The following SPTBN5 variants were observed in gnomAD, a reference collection of about 807,000 sequenced individuals.
The protein encoded by SPTBN5 is spectrin beta, non-erythrocytic 5, also known as spectrin beta chain, non-erythrocytic 5.
Under a neutral mutation model 477.6 loss-of-function variants are expected in SPTBN5, and 513 were observed. That is an observed-to-expected ratio of 1.07 (90% confidence interval 1.00 to 1.16). SPTBN5 has a LOEUF of 1.16. Ranked by LOEUF, SPTBN5 falls within the 50% of genes most tolerant of loss-of-function variation. SPTBN5 has a pLI of 0.00. For synonymous variants in SPTBN5, 2,169 were observed against 2,011.7 expected (o/e 1.08, Z -2.09); for missense variants, 5,062 against 4,731.8 (o/e 1.07, Z -2.05).
chr15:41,877,533 G>C (rs546440037), intron 17 of SPTBN5, among the ~76,000 whole-genome samples, 177 bp from the exon 18 acceptor site: 1 of 152,320 alleles, frequency 6.6e-6, no homozygotes, highest in Non-Finnish European at 1.5e-5. Context: ...CCAGCCGGCC[G>C]TCCTTAAGTG....
chr15:41,886,129 C>T lies in SPTBN5; in HGVS notation c.1126G>A (p.Ala376Thr), dbSNP rs777104635. 6.8e-6 allele frequency: 11 copies of T among 1,610,864 alleles called. No individual in the cohort carries two copies. Among genetic ancestry groups the T allele is most frequent in the Non-Finnish European group, 8.5e-6 (10 of 1,178,614 alleles). Residue 376 changes from alanine to threonine, a missense_variant, in exon 7 of 68, where the codon GCA becomes ACA. Ala to Thr is a moderately conservative substitution (Grantham distance 58). Transcript: ENST00000320955. The part of the protein sequence containing the change: ...AEALLFRLQT[A>T]LQAQNRRPFL... ...GGCCTGCGGTTCTGGGCTTGGAGTG[C>T]TGTCTGTAGCCGGAAGAGCAGGGCC...
At position 41,893,369 on chromosome 15, in the gene SPTBN5, GC is replaced by G. The variant is rs763713670; in HGVS notation, c.128del (p.Gly43AlafsTer155). ...GCCGGGCCTGTAGCTTGCGAATGTG[GC>G]CCGTCTCGTACTGAGAGTCCATGGT... ...SLTMDSQYET[G>X]HIRKLQARHM... is the part of the protein sequence containing the mutation. On this transcript the variant is annotated frameshift_variant, in exon 2 of 68. Coordinates refer to ENST00000320955, the MANE Select transcript of SPTBN5 (RefSeq NM_016642.4). LOFTEE classifies it high-confidence loss of function. 4 of 1,613,954 alleles carry G rather than the reference GC, an allele frequency of 2.5e-6. No homozygotes were observed. In the South Asian group the frequency reaches 3.3e-5, roughly 13 times the overall value.
chr15:41,860,984 A>G (rs1425947832), intron 46 of SPTBN5, among the ~76,000 whole-genome samples: 1 of 152,274 alleles, frequency 6.6e-6, no homozygotes, highest in Non-Finnish European at 1.5e-5. Context: ...CTCTGAGGCA[A>G]GCAGAGCTTT....
At chr15:41,853,134 T>C in intron 59 of SPTBN5, 124 bp downstream of exon 59, 1 of 1,458,206 alleles carries the variant, frequency 6.9e-7, no homozygotes, top group Non-Finnish European at 9.2e-7. Context: ...CTTCCCAGCC[T>C]CTCTCCCTGC....
chr15:41,851,034 C>T (rs1202431120), intron 65 of SPTBN5, 25 bp downstream of exon 65: 2 of 1,604,244 alleles, frequency 1.2e-6, no homozygotes, highest in Non-Finnish European at 1.7e-6. Flanking sequence ...GGGGGTGATG[C>T]CGGAGTCCAT....
chr15:41,887,567 G>T, intron 5 of SPTBN5, 126 bp from the exon 6 acceptor site: 1 of 767,114 alleles, frequency 1.3e-6, no homozygotes, highest in Non-Finnish European at 2.1e-6. Context: ...TTTCCCGACA[G>T]TTATCTGAGG....
chr15:41,863,665 T>C (rs1313767862), intron 41 of SPTBN5, 39 bp downstream of exon 41: 1 of 1,543,340 alleles, frequency 6.5e-7, no homozygotes, highest in Non-Finnish European at 8.9e-7. Flanking sequence ...TGACTGCATT[T>C]GCTCACAGCC....
chr15:41,886,507 C>T (rs2067156967), intron 6 of SPTBN5, 141 bp from the exon 7 acceptor site: 1 of 978,002 alleles, frequency 1.0e-6, no homozygotes, highest in Non-Finnish European at 1.5e-6. Context: ...GTACCCCCAC[C>T]CCAGAGAACT....
Position 41,856,799 on chromosome 15 carries a change from G to A in SPTBN5, c.8808+54C>T, listed in dbSNP as rs948132498. On this transcript the variant is annotated intron_variant, in intron 52 of 67. Transcript: ENST00000320955. ...GGGCCACAGAGAGTGCCATTTCCTT[G>A]GCTGAGAAGCCCTGCTCATGTGCGA... The A allele has an allele frequency of 2.8e-5, 41 of 1,489,864 alleles. No individual in the cohort carries two copies. The African/African-American group carries it at 5.0e-4, about 18-fold the overall frequency. The allele number at this position is 1,489,864 out of a possible 1,614,324, so 92.3% of individuals were successfully genotyped here.
intron 3 of SPTBN5, among the ~76,000 whole-genome samples, chr15:41,891,387 C>G (rs2067307770): frequency 6.6e-6 from 1 of 152,174 alleles, no homozygotes; most frequent in Non-Finnish European, 1.5e-5. Context: ...AGGATCCCAC[C>G]CATGCTCCTG....
chr15:41,875,394 C>G, intron 22 of SPTBN5, 64 bp downstream of exon 22: 2 of 1,536,714 alleles, frequency 1.3e-6, no homozygotes, highest in South Asian at 1.2e-5. Flanking sequence ...TCTCCCTCCC[C>G]GTTCTGTCCA....
chr15:41,853,151 C>G, intron 59 of SPTBN5, 107 bp downstream of exon 59: 1 of 1,491,244 alleles, frequency 6.7e-7, no homozygotes, highest in Non-Finnish European at 9.0e-7. Flanking sequence ...CTGCCTGCGC[C>G]CAGCCTTCCT....
In SPTBN5 at chr15:41,874,599, A is replaced by T. The variant is rs1460218974; in HGVS notation, c.4503-121T>A. 9.3e-6 allele frequency: 9 copies of T among 962,726 alleles called. No individual in the cohort carries two copies. In the African/African-American group the frequency reaches 1.5e-4, roughly 16 times the overall value. The allele number at this position is 962,726 out of a possible 1,614,324, so 59.6% of individuals were successfully genotyped here. ...AGACCAGGGAATAGAGCAAAGCCTCATCTGACAAAGGGAGGCAGTGGAAGG... is the reference window on the plus strand; with the variant it reads ...AGACCAGGGAATAGAGCAAAGCCTCTTCTGACAAAGGGAGGCAGTGGAAGG... On this transcript the variant is annotated intron_variant, in intron 23 of 67. Coordinates refer to ENST00000320955, the MANE Select transcript of SPTBN5 (RefSeq NM_016642.4).
intron 27 of SPTBN5, 41 bp downstream of exon 27, chr15:41,872,261 C>A (rs1405383476): frequency 1.3e-6 from 2 of 1,583,734 alleles, no homozygotes; most frequent in Admixed American, 1.7e-5. Context: ...TGTGGCTAGG[C>A]CTCCTGTACC....
chr15:41,876,648 C>CG lies in SPTBN5; in HGVS notation c.3852-2_3852-1insC. 1 of 884,008 alleles carries CG rather than the reference C, an allele frequency of 1.1e-6. No homozygotes were observed. The highest frequency in any genetic ancestry group is 1.7e-6 in the Non-Finnish European group (1 of 597,114). 54.8% of individuals were successfully genotyped at this position (884,008 alleles called of 1,614,324 possible). A position where few individuals can be genotyped will look rare whatever the true frequency, so the allele number is the denominator to read the frequency against. On this transcript the variant is annotated splice_acceptor_variant, in intron 19 of 67. Coordinates refer to ENST00000320955, the MANE Select transcript of SPTBN5 (RefSeq NM_016642.4). LOFTEE classifies it high-confidence loss of function. ...GATACTCTGCAGCTGCTCTCTGACC[C>CG]TGGAGGGCGGGGGGGGGTTGGAGGA...
rs774289564 is a variant in SPTBN5 at position 41,877,353 on chromosome 15, C to T, written c.3474G>A (p.Leu1158=). 9 of 1,605,462 alleles carry T rather than the reference C, an allele frequency of 5.6e-6. No individual in the cohort carries two copies. Among genetic ancestry groups the T allele is most frequent in the South Asian group, 3.3e-5 (3 of 89,898 alleles). ...GCTGGCTCTGAGCGTCCAGCTGCTG[C>T]AGCCTGACCAGGATGACAGGCAGAG... The part of the protein sequence containing the change: ...LEEIHLWQER[L]QQLDAQSQPM... Residue 1158 remains leucine (L), a synonymous_variant, in exon 18 of 68, where the codon CTG becomes CTA. Transcript: ENST00000320955.
Position 41,862,267 on chromosome 15 carries a change from G to A in SPTBN5, c.7411C>T (p.Gln2471Ter), listed in dbSNP as rs1373685651. The change falls in exon 44 of 68, where the codon CAA becomes TAA. Residue 2471 changes from glutamine to a stop codon, truncating the protein, a stop_gained. Coordinates refer to ENST00000320955, the MANE Select transcript of SPTBN5 (RefSeq NM_016642.4). LOFTEE classifies it high-confidence loss of function. ...AGCATTGCCTGGAGTTTCTGAGCTT[G>A]GTGCAAGGCATCCAGCGCCTCCCTC... is the stretch of plus-strand genomic sequence containing the variant. ...KRREALDALH[Q>*]AQKLQAMLQE... The A allele has an allele frequency of 6.2e-7, 1 of 1,607,528 alleles. No homozygotes were observed. The highest frequency in any genetic ancestry group is 1.1e-5 in the South Asian group (1 of 90,602).
intron 3 of SPTBN5, among the ~76,000 whole-genome samples, chr15:41,891,732 G>C (rs2140972973): frequency 6.6e-6 from 1 of 152,298 alleles, no homozygotes; most frequent in South Asian, 2.1e-4. Flanking sequence ...CCCAGCGCCT[G>C]CATAGAATGC....
chr15:41,870,188 C>A (rs1364004504), intron 31 of SPTBN5, 55 bp downstream of exon 31: 2 of 1,516,754 alleles, frequency 1.3e-6, no homozygotes, highest in Admixed American at 2.0e-5. Context: ...AACAGGCAGG[C>A]CAGCCTGAGG....
Sources: allele counts gnomAD v4.1 joint callset (sites outside exome capture counted in the v4.1 genomes callset), GRCh38; gene constraint gnomAD v4.1.1; transcripts MANE v1.5; gene names NCBI Gene and HGNC (gene_info 2026-07-23, HGNC 2026-07-21).